The following CTNNA2 variants were observed in gnomAD, a reference collection of about 807,000 sequenced individuals.
CTNNA2 encodes the protein catenin alpha-2.
Under a neutral mutation model 101.0 loss-of-function variants are expected in CTNNA2, and 42 were observed. The ratio of observed to expected loss-of-function variants is 0.42; its 90% confidence interval spans 0.32 to 0.54. The LOEUF (loss-of-function observed/expected upper bound fraction) is 0.54, where lower values mean the gene tolerates loss of function less well. Among genes scored for constraint, CTNNA2 ranks in the 20% least tolerant of loss-of-function variants. The probability of loss-of-function intolerance (pLI) is 0.14; values close to 1 mark genes in which losing one functional copy is unlikely to be tolerated. For synonymous variants in CTNNA2, 450 were observed against 456.4 expected, an observed-to-expected ratio of 0.99 and a Z score of 0.18; for missense variants, 871 against 1,223.1, an observed-to-expected ratio of 0.71 and a Z score of 4.29.
intron 1 of CTNNA2, among the ~76,000 whole-genome samples, chr2:79,620,818 G>T (rs1297348472): frequency 1.3e-5 from 2 of 152,112 alleles, no homozygotes; most frequent in Non-Finnish European, 2.9e-5. Context: ...GCAAGCTGAG[G>T]GCATCATGTG....
chr2:79,803,465 C>T (rs1440837307), intron 3 of CTNNA2, among the ~76,000 whole-genome samples: 6 of 152,152 alleles, frequency 3.9e-5, no homozygotes, highest in South Asian at 4.1e-4. Flanking sequence ...AGGGATGGGC[C>T]GAATTAAAGG....
intron 4 of CTNNA2, among the ~76,000 whole-genome samples, chr2:79,462,328 A>G (rs1339534937): frequency 1.3e-5 from 2 of 152,206 alleles, no homozygotes; most frequent in South Asian, 4.1e-4. Flanking sequence ...CCTCTTCAAG[A>G]TAATTTATCT....
chr2:79,339,230 T>G (rs1677075166), intron 3 of CTNNA2, among the ~76,000 whole-genome samples: 1 of 152,100 alleles, frequency 6.6e-6, no homozygotes, highest in Admixed American at 6.6e-5. Context: ...ACTGGAGATC[T>G]AGGAGGAAAC....
chr2:80,501,576 T>C (rs1399939503), intron 9 of CTNNA2, among the ~76,000 whole-genome samples: 1 of 152,214 alleles, frequency 6.6e-6, no homozygotes, highest in Non-Finnish European at 1.5e-5. Flanking sequence ...TGCCATATCA[T>C]ACCTTTAAAA....
chr2:80,050,960 C>G (rs996178292), intron 7 of CTNNA2, among the ~76,000 whole-genome samples: 13 of 152,130 alleles, frequency 8.5e-5, no homozygotes, highest in African/African-American at 2.9e-4. Flanking sequence ...TGGGCTCAAG[C>G]GATTCTCCTG....
chr2:80,267,116 A>G (rs1205516958), intron 7 of CTNNA2, among the ~76,000 whole-genome samples: 1 of 152,068 alleles, frequency 6.6e-6, no homozygotes, highest in Non-Finnish European at 1.5e-5. Context: ...TCCTTCCCTG[A>G]GGGCTATATT....
intron 3 of CTNNA2, among the ~76,000 whole-genome samples, chr2:79,769,950 G>A (rs1673452907): frequency 6.6e-6 from 1 of 152,166 alleles, no homozygotes; most frequent in African/African-American, 2.4e-5. Flanking sequence ...AATGTGACTA[G>A]TGTGACTGAG....
chr2:79,243,053 C>T (rs181849140), intron 2 of CTNNA2, among the ~76,000 whole-genome samples: 209 of 149,504 alleles, frequency 1.4e-3, no homozygotes, highest in South Asian at 4.2e-3. Context: ...ATAAAACAGA[C>T]GCAAAGAAAT....
At chr2:80,265,194 C>T (rs1482709949) in intron 7 of CTNNA2, among the ~76,000 whole-genome samples, 10 of 152,044 alleles carry the variant, frequency 6.6e-5, no homozygotes, top group Non-Finnish European at 1.3e-4. Flanking sequence ...AGACTGGTCT[C>T]GAACTCCTGA....
At position 79,690,632 on chromosome 2, in the gene CTNNA2, G is replaced by C. The variant is rs190907301; in HGVS notation, c.102+38974G>C. Among the ~76,000 whole-genome samples the C allele has an allele frequency of 5.5e-4, 83 of 151,942 alleles. No homozygotes were observed. The East Asian group carries it at 0.015, about 27-fold the overall frequency. On this transcript the variant is annotated intron_variant, in intron 2 of 18. Transcript: ENST00000402739. ...ATGTGTCTTTATAGTAGATCAGCTA[G>C]GTATGTATTATTCGCCCCATTTTGC...
intron 12 of CTNNA2, among the ~76,000 whole-genome samples, chr2:80,566,821 A>G (rs560592866): frequency 3.9e-5 from 6 of 152,220 alleles, no homozygotes; most frequent in Non-Finnish European, 8.8e-5. Context: ...AAAGGGAATA[A>G]AAAACTAATG....
intron 3 of CTNNA2, among the ~76,000 whole-genome samples, chr2:79,350,643 A>C (rs933124706): frequency 1.3e-5 from 2 of 152,146 alleles, no homozygotes; most frequent in African/African-American, 4.8e-5. Context: ...TTTCCTTTAG[A>C]TAGATACCCA....
chr2:80,204,736 T>G (rs534242145), intron 7 of CTNNA2, among the ~76,000 whole-genome samples: 113 of 151,984 alleles, frequency 7.4e-4, no homozygotes, highest in Non-Finnish European at 1.5e-3. Flanking sequence ...GGGTATCTTT[T>G]CAGCAGCGCC....
chr2:80,520,864 C>T (rs1689484662), intron 9 of CTNNA2, among the ~76,000 whole-genome samples: 1 of 152,060 alleles, frequency 6.6e-6, no homozygotes, highest in Non-Finnish European at 1.5e-5. Flanking sequence ...CAGAGTTTGT[C>T]AGTAAAAAAG....
At chr2:79,418,992 G>C (rs1678511817) in intron 4 of CTNNA2, among the ~76,000 whole-genome samples, 1 of 152,064 alleles carries the variant, frequency 6.6e-6, no homozygotes, top group Non-Finnish European at 1.5e-5. Context: ...CAAGATAATT[G>C]GATGCTCTCC....
At chr2:80,539,358 A>G (rs1467787645) in intron 9 of CTNNA2, among the ~76,000 whole-genome samples, 5 of 147,202 alleles carry the variant, frequency 3.4e-5, no homozygotes, top group Non-Finnish European at 5.9e-5. Flanking sequence ...AGTTCTGCTA[A>G]TGATATTGTT....
intron 9 of CTNNA2, among the ~76,000 whole-genome samples, chr2:80,451,880 AG>A (rs1574071548): frequency 6.6e-6 from 1 of 152,288 alleles, no homozygotes; most frequent in African/African-American, 2.4e-5. Context: ...CGGAAAAAAA[AG>A]ATTTTTACAT....
In CTNNA2 at chr2:79,225,717, A is replaced by G. The variant is rs377703000; in HGVS notation, c.-406+27641A>G. ...GTTATAGAATAAAGTGAGGAATGAGATTGGTTTCCACTGGGAAAATAGCCA... is the reference window on the plus strand; with the variant it reads ...GTTATAGAATAAAGTGAGGAATGAGGTTGGTTTCCACTGGGAAAATAGCCA... On this transcript the variant is annotated intron_variant, in intron 2 of 21. Transcript: ENST00000466387. 1.0e-3 allele frequency among the ~76,000 whole-genome samples: 152 copies of G among 152,292 alleles called. 4 individuals carry two copies. In the South Asian group the frequency reaches 0.03, roughly 30 times the overall value.
intron 7 of CTNNA2, among the ~76,000 whole-genome samples, chr2:80,335,321 A>T (rs1346009969): frequency 1.3e-5 from 2 of 152,176 alleles, no homozygotes; most frequent in African/African-American, 4.8e-5. Flanking sequence ...TCAAATGATC[A>T]TCTCATAATG....
Sources: allele counts gnomAD v4.1 joint callset (sites outside exome capture counted in the v4.1 genomes callset), GRCh38; gene constraint gnomAD v4.1.1; transcripts MANE v1.5; gene names NCBI Gene and HGNC (gene_info 2026-07-23, HGNC 2026-07-21).